The following SCFD2 variants were observed in gnomAD, a reference collection of about 807,000 sequenced individuals.
SCFD2 encodes the protein sec1 family domain-containing protein 2.
In SCFD2, 54 loss-of-function variants were observed where a neutral mutation model predicts 58.9. That is an observed-to-expected ratio of 0.92 (90% confidence interval 0.74 to 1.15). The LOEUF (loss-of-function observed/expected upper bound fraction) is 1.15. SCFD2 is among the 50% of genes most tolerant of loss of function. SCFD2 has a pLI of 0.00. For synonymous variants in SCFD2, 321 were observed against 335.9 expected (o/e 0.96, Z 0.49); for missense variants, 805 against 836.6 (o/e 0.96, Z 0.47).
chr4:52,900,054 A>AT (rs925332685), intron 7 of SCFD2, among the ~76,000 whole-genome samples: 1 of 151,438 alleles, frequency 6.6e-6, no homozygotes, highest in African/African-American at 2.4e-5. Flanking sequence ...CATTTGTCTA[A>AT]TTTTTTTTCA....
At chr4:53,043,945 T>A (rs1722960623) in intron 5 of SCFD2, among the ~76,000 whole-genome samples, 1 of 152,158 alleles carries the variant, frequency 6.6e-6, no homozygotes, top group African/African-American at 2.4e-5. Flanking sequence ...CATGTCACAG[T>A]TAATGTTAGA....
At chr4:53,002,750 T>C (rs1301696491) in intron 5 of SCFD2, among the ~76,000 whole-genome samples, 2 of 152,208 alleles carry the variant, frequency 1.3e-5, no homozygotes, top group African/African-American at 2.4e-5. Context: ...TGTACCAGTC[T>C]GTTCTCACAC....
At chr4:53,086,854 A>G (rs572401895) in intron 5 of SCFD2, among the ~76,000 whole-genome samples, 15 of 152,134 alleles carry the variant, frequency 9.9e-5, no homozygotes, top group Non-Finnish European at 2.1e-4. Flanking sequence ...ATGGAGACAG[A>G]AAGTAGATGG....
At chr4:53,009,962 C>G (rs1170757100) in intron 5 of SCFD2, among the ~76,000 whole-genome samples, 1 of 152,192 alleles carries the variant, frequency 6.6e-6, no homozygotes, top group Non-Finnish European at 1.5e-5. Flanking sequence ...GAGCTCTGTG[C>G]TCACTATACT....
intron 5 of SCFD2, among the ~76,000 whole-genome samples, chr4:52,947,414 T>A (rs1226785767): frequency 1.3e-5 from 2 of 152,194 alleles, no homozygotes; most frequent in Admixed American, 6.5e-5. Context: ...ACAATTTCAA[T>A]GAAAATCACA....
intron 8 of SCFD2, 89 bp downstream of exon 8, chr4:52,885,658 G>C: frequency 1.4e-6 from 2 of 1,481,260 alleles, no homozygotes; most frequent in Non-Finnish European, 9.4e-7. Flanking sequence ...GCTAGGAGAG[G>C]GGCACTGGGA....
rs1560477461 is a variant in SCFD2 at position 52,907,557 on chromosome 4, T to G, written c.1742A>C (p.Glu581Ala). Residue 581 changes from glutamate to alanine, a missense_variant, in exon 7 of 9, where the codon GAG (glutamate) becomes GCG (alanine). By Grantham distance (107) the Glu-to-Ala change is moderately radical. This residue lies in a region of SCFD2 where 633 missense variants were observed against 646.8 expected (regional missense o/e 0.98). Transcript: ENST00000401642. ...SYKPLLKQVV[E>A]EIFHPERPDS... is the part of the protein sequence containing the mutation. ...TGGCCTCTCGGGATGAAATATTTCC[T>G]CCACAACTTGCTTCAACAATGGCTT... The G allele has an allele frequency of 6.2e-7, 1 of 1,614,060 alleles. No homozygotes were observed. Among genetic ancestry groups the G allele is most frequent in the Non-Finnish European group, 8.5e-7 (1 of 1,179,966 alleles).
intron 4 of SCFD2, among the ~76,000 whole-genome samples, chr4:53,249,603 T>C (rs975532833): frequency 1.1e-4 from 16 of 152,170 alleles, no homozygotes; most frequent in African/African-American, 3.9e-4. Context: ...TCACAGCAGA[T>C]CTCTCGGCAA....
chr4:53,335,485 G>C (rs1472668047), intron 2 of SCFD2, among the ~76,000 whole-genome samples: 1 of 152,140 alleles, frequency 6.6e-6, no homozygotes, highest in Non-Finnish European at 1.5e-5. Context: ...GAGACAAATG[G>C]TGGAACTTGT....
At chr4:53,305,041 C>T (rs1490395771) in intron 3 of SCFD2, among the ~76,000 whole-genome samples, 1 of 152,018 alleles carries the variant, frequency 6.6e-6, no homozygotes, top group Non-Finnish European at 1.5e-5. Context: ...GATACTATTC[C>T]TTTCTGTTAG....
At chr4:53,354,469 C>T (rs1168402183) in intron 1 of SCFD2, among the ~76,000 whole-genome samples, 8 of 152,214 alleles carry the variant, frequency 5.3e-5, no homozygotes, top group Non-Finnish European at 1.5e-5. Flanking sequence ...CTCCACATCT[C>T]CCGGCAAGCC....
rs1213509001 is a variant in SCFD2, at chr4:52,964,068, A to G, written c.1562-43198T>C. 2.0e-5 allele frequency among the ~76,000 whole-genome samples: 3 copies of G among 152,222 alleles called. No homozygotes were observed. The South Asian group carries it at 6.2e-4, about 32-fold the overall frequency. ...TTGTATTCAATTATTTCCATTGAAA[A>G]GCTCAATAATGGATTAATTAAGACC... On this transcript the variant is annotated intron_variant, in intron 5 of 8. Coordinates refer to ENST00000401642, the MANE Select transcript of SCFD2 (RefSeq NM_152540.4).
chr4:53,358,587 C>T (rs980474713), intron 1 of SCFD2, among the ~76,000 whole-genome samples: 1 of 151,230 alleles, frequency 6.6e-6, no homozygotes, highest in Non-Finnish European at 1.5e-5. Flanking sequence ...TTACATGAAG[C>T]TAAAATTCAG....
chr4:53,055,976 T>G (rs1723326616), intron 5 of SCFD2, among the ~76,000 whole-genome samples: 1 of 152,132 alleles, frequency 6.6e-6, no homozygotes, highest in Admixed American at 6.6e-5. Flanking sequence ...AGCACTTAAC[T>G]GCAAAGGAAG....
intron 8 of SCFD2, among the ~76,000 whole-genome samples, chr4:52,885,345 G>C (rs920145143): frequency 6.6e-6 from 1 of 152,150 alleles, no homozygotes; most frequent in African/African-American, 2.4e-5. Context: ...AGGGATAACA[G>C]TACCTTAGCC....
At chr4:53,034,350 A>T (rs1722702116) in intron 5 of SCFD2, among the ~76,000 whole-genome samples, 1 of 152,182 alleles carries the variant, frequency 6.6e-6, no homozygotes, top group African/African-American at 2.4e-5. Context: ...ATTTATGACA[A>T]ACCCACAACC....
intron 8 of SCFD2, among the ~76,000 whole-genome samples, chr4:52,882,104 AG>A (rs1438681334): frequency 6.6e-6 from 1 of 152,152 alleles, no homozygotes; most frequent in African/African-American, 2.4e-5. Flanking sequence ...AGTGCGAGAC[AG>A]GGAGAAAAAC....
intron 5 of SCFD2, among the ~76,000 whole-genome samples, chr4:53,103,850 ATGCC>A: frequency 6.9e-6 from 1 of 145,850 alleles, no homozygotes. Flanking sequence ...GACAACACAG[ATGCC>A]ACTGAAAGAG....
intron 1 of SCFD2, among the ~76,000 whole-genome samples, chr4:53,356,407 A>C (rs188430107): frequency 1.4e-4 from 21 of 152,292 alleles, no homozygotes; most frequent in African/African-American, 4.6e-4. Context: ...TTGAAGGAAG[A>C]GGTATCAAAG....
Sources: allele counts gnomAD v4.1 joint callset (sites outside exome capture counted in the v4.1 genomes callset), GRCh38; gene constraint gnomAD v4.1.1; regional missense constraint gnomAD v4.1.1; transcripts MANE v1.5; gene names NCBI Gene and HGNC (gene_info 2026-07-23, HGNC 2026-07-21).